TESK2: variants seen among roughly 807,000 people sequenced by gnomAD.
TESK2 encodes the protein dual specificity testis-specific protein kinase 2.
Under a neutral mutation model 57.1 loss-of-function variants are expected in TESK2, and 39 were observed. The observed-to-expected ratio is 0.68, with a 90% CI of 0.53 to 0.89. The LOEUF (loss-of-function observed/expected upper bound fraction) is 0.89, where lower values mean the gene tolerates loss of function less well. Among genes scored for constraint, TESK2 ranks in the 40% least tolerant of loss-of-function variants. The pLI is 0.00. For missense variants in TESK2, 646 were observed against 732.1 expected, an observed-to-expected ratio of 0.88 and a Z score of 1.36; for synonymous variants, 249 against 267.9, an observed-to-expected ratio of 0.93 and a Z score of 0.69.
At chr1:45,362,908 A>G (rs1647749654) in intron 4 of TESK2, among the ~76,000 whole-genome samples, 1 of 152,042 alleles carries the variant, frequency 6.6e-6, no homozygotes, top group Non-Finnish European at 1.5e-5. Context: ...TTCACACAGG[A>G]GAATAACATG....
At chr1:45,448,897 G>T (rs1160719590) in intron 2 of TESK2, among the ~76,000 whole-genome samples, 1 of 152,112 alleles carries the variant, frequency 6.6e-6, no homozygotes, top group Non-Finnish European at 1.5e-5. Context: ...CAAGGATATG[G>T]ACCAACAGGA....
At chr1:45,441,680 G>A (rs1307635853) in intron 2 of TESK2, among the ~76,000 whole-genome samples, 1 of 145,588 alleles carries the variant, frequency 6.9e-6, no homozygotes, top group Non-Finnish European at 1.5e-5. Context: ...GTACAGTGGT[G>A]CGATCTCAGC....
intron 1 of TESK2, among the ~76,000 whole-genome samples, chr1:45,471,050 G>A (rs1327898076): frequency 1.3e-5 from 2 of 152,094 alleles, no homozygotes; most frequent in Admixed American, 1.3e-4. Context: ...GGCCAACATG[G>A]TGAAATCCCA....
intron 4 of TESK2, among the ~76,000 whole-genome samples, chr1:45,383,523 AAGC>A (rs1342589321): frequency 2.6e-5 from 4 of 152,242 alleles, no homozygotes; most frequent in African/African-American, 7.2e-5. Flanking sequence ...AGAAGCTAAC[AAGC>A]AGCAGATTAA....
At position 45,457,568 on chromosome 1, in the gene TESK2, A is replaced by T; in HGVS notation, c.218T>A (p.Phe73Tyr). 1 of 1,613,846 alleles carries T rather than the reference A, an allele frequency of 6.2e-7. No homozygotes were observed. Residue 73 changes from phenylalanine to tyrosine, a missense_variant, in exon 2 of 11, where the codon TTC (phenylalanine) becomes TAC (tyrosine). Physicochemically the swap from Phe to Tyr is conservative, Grantham distance 22. Coordinates refer to ENST00000372086, the MANE Select transcript of TESK2 (RefSeq NM_007170.3). ...KIGSGFFSEVFKVRHRASGQV... is the reference protein window; with the variant it reads ...KIGSGFFSEVYKVRHRASGQV... ...AAAAGCTGAAGACTCACTCACCTTG[A>T]ACACTTCAGAAAAGAAGCCAGACCC... is the stretch of plus-strand genomic sequence containing the variant.
At chr1:45,353,361 C>T (rs774811393) in intron 5 of TESK2, among the ~76,000 whole-genome samples, 14 of 152,300 alleles carry the variant, frequency 9.2e-5, no homozygotes, top group Non-Finnish European at 2.1e-4. Context: ...TGCTGGTTCC[C>T]AGTTTCTACT....
chr1:45,455,731 T>A (rs1359355213), intron 2 of TESK2, among the ~76,000 whole-genome samples: 1 of 152,088 alleles, frequency 6.6e-6, no homozygotes, highest in Non-Finnish European at 1.5e-5. Context: ...ACTTAAAAAA[T>A]GGCTAAGATG....
intron 4 of TESK2, among the ~76,000 whole-genome samples, chr1:45,367,655 C>T (rs1647984671): frequency 1.6e-5 from 2 of 122,164 alleles, no homozygotes; most frequent in Non-Finnish European, 3.3e-5. Flanking sequence ...GGTCACAAAG[C>T]ATTTTTTTTT....
chr1:45,366,809 C>A (rs986426389), intron 4 of TESK2, among the ~76,000 whole-genome samples: 2 of 152,032 alleles, frequency 1.3e-5, no homozygotes, highest in Admixed American at 1.3e-4. Context: ...TTTAGAGGAA[C>A]TTTCCAATAA....
intron 4 of TESK2, among the ~76,000 whole-genome samples, chr1:45,359,058 G>A (rs1235795007): frequency 6.6e-6 from 1 of 152,164 alleles, no homozygotes; most frequent in East Asian, 1.9e-4. Flanking sequence ...ATATTTTTGG[G>A]TACCATTGCA....
chr1:45,453,588 T>A (rs1305642193), intron 2 of TESK2, among the ~76,000 whole-genome samples: 1 of 152,126 alleles, frequency 6.6e-6, no homozygotes. Flanking sequence ...TATAAAACTC[T>A]TAGAAGAAAA....
chr1:45,430,067 T>C (rs568201873), intron 2 of TESK2, among the ~76,000 whole-genome samples: 80 of 152,250 alleles, frequency 5.3e-4, no homozygotes, highest in African/African-American at 1.8e-3. Flanking sequence ...TTAAACTATA[T>C]TTATTCTAAT....
chr1:45,434,758 A>G (rs1169811253), intron 2 of TESK2, among the ~76,000 whole-genome samples: 2 of 151,744 alleles, frequency 1.3e-5, no homozygotes, highest in Non-Finnish European at 2.9e-5. Flanking sequence ...CCCTTTTTGG[A>G]TAAATAGTTT....
At chr1:45,365,677 C>CTTTTT (rs34671575) in intron 4 of TESK2, among the ~76,000 whole-genome samples, 2 of 106,806 alleles carry the variant, frequency 1.9e-5, no homozygotes, top group African/African-American at 8.0e-5. Context: ...CCACGCCCGG[C>CTTTTT]TTTTTTTTTT....
intron 4 of TESK2, among the ~76,000 whole-genome samples, chr1:45,368,405 C>T (rs966329692): frequency 6.6e-6 from 1 of 151,586 alleles, no homozygotes; most frequent in Non-Finnish European, 1.5e-5. Flanking sequence ...GACGGAGTCC[C>T]GCTCCATTGC....
At chr1:45,469,725 A>G (rs1398334031) in intron 1 of TESK2, among the ~76,000 whole-genome samples, 1 of 152,248 alleles carries the variant, frequency 6.6e-6, no homozygotes, top group Non-Finnish European at 1.5e-5. Context: ...TTCTACAGAC[A>G]GAAAAATCAG....
At chr1:45,447,153 G>C (rs1024235201) in intron 2 of TESK2, among the ~76,000 whole-genome samples, 1 of 152,168 alleles carries the variant, frequency 6.6e-6, no homozygotes, top group African/African-American at 2.4e-5. Context: ...GGAGTTCAAG[G>C]CTGCAGTGAG....
At chr1:45,441,705 G>A (rs1037280325) in intron 2 of TESK2, among the ~76,000 whole-genome samples, 3 of 142,386 alleles carry the variant, frequency 2.1e-5, no homozygotes, top group African/African-American at 5.3e-5. Flanking sequence ...TGCAGCCTCC[G>A]CCTCTCAGGT....
chr1:45,475,537 A>T (rs1318494976), intron 1 of TESK2, among the ~76,000 whole-genome samples: 2 of 152,224 alleles, frequency 1.3e-5, no homozygotes, highest in Non-Finnish European at 2.9e-5. Context: ...GCCATGAAAA[A>T]TGACAGTTGC....
Sources: allele counts gnomAD v4.1 joint callset (sites outside exome capture counted in the v4.1 genomes callset), GRCh38; gene constraint gnomAD v4.1.1; transcripts MANE v1.5; gene names NCBI Gene and HGNC (gene_info 2026-07-23, HGNC 2026-07-21).